CSMD1: variants seen among roughly 807,000 people sequenced by gnomAD.
CSMD1 encodes the protein CUB and sushi domain-containing protein 1.
Under a neutral mutation model 417.5 loss-of-function variants are expected in CSMD1, and 213 were observed. That is an observed-to-expected ratio of 0.51 (90% confidence interval 0.46 to 0.57). CSMD1 has a LOEUF of 0.57. Ranked by LOEUF, CSMD1 falls within the 20% of genes least tolerant of loss-of-function variation. The probability of loss-of-function intolerance (pLI) is 0.00; values close to 1 mark genes in which losing one functional copy is unlikely to be tolerated. For missense variants in CSMD1, 6,923 were observed against 4,529.7 expected (o/e 1.53, Z -15.17); for synonymous variants, 2,862 against 1,736.8 (o/e 1.65, Z -16.11).
intron 1 of CSMD1, among the ~76,000 whole-genome samples, chr8:4,655,102 A>G (rs962263884): frequency 7.3e-5 from 11 of 151,496 alleles, no homozygotes; most frequent in Admixed American, 6.6e-4. Context: ...TAATTTACCT[A>G]TATTACTAAT....
intron 1 of CSMD1, among the ~76,000 whole-genome samples, chr8:4,757,345 A>T (rs777897058): frequency 1.3e-5 from 2 of 152,218 alleles, no homozygotes. Flanking sequence ...CCTGTGTGCT[A>T]GCTAGGCCCC....
At chr8:3,114,689 G>A (rs1816747799) in intron 42 of CSMD1, among the ~76,000 whole-genome samples, 2 of 152,004 alleles carry the variant, frequency 1.3e-5, no homozygotes, top group Non-Finnish European at 2.9e-5. Context: ...AGAAAAATAA[G>A]GAGACAGAGT....
intron 12 of CSMD1, among the ~76,000 whole-genome samples, chr8:3,432,828 T>C (rs1303434238): frequency 6.6e-6 from 1 of 152,168 alleles, no homozygotes; most frequent in Non-Finnish European, 1.5e-5. Context: ...TGGGCTTATT[T>C]TTATTCTACA....
chr8:4,536,968 T>G (rs1234657592), intron 2 of CSMD1, among the ~76,000 whole-genome samples: 1 of 152,208 alleles, frequency 6.6e-6, no homozygotes, highest in Non-Finnish European at 1.5e-5. Flanking sequence ...TGGCATATCA[T>G]GATTATCATT....
chr8:4,933,116 T>C (rs1807355451), intron 1 of CSMD1, among the ~76,000 whole-genome samples: 1 of 152,244 alleles, frequency 6.6e-6, no homozygotes, highest in South Asian at 2.1e-4. Context: ...CATACTTGTA[T>C]GGATATGTTC....
chr8:3,255,621 T>A (rs186011270), intron 26 of CSMD1, among the ~76,000 whole-genome samples: 2 of 152,316 alleles, frequency 1.3e-5, no homozygotes, highest in East Asian at 3.9e-4. Flanking sequence ...CTCAGACTGC[T>A]GTTCTAGCAA....
chr8:4,750,837 T>C (rs1265798900), intron 1 of CSMD1, among the ~76,000 whole-genome samples: 2 of 152,236 alleles, frequency 1.3e-5, no homozygotes, highest in East Asian at 1.9e-4. Flanking sequence ...GGTCTACTGA[T>C]AGCTGATGAG....
chr8:3,778,173 G>A (rs182522199), intron 5 of CSMD1, among the ~76,000 whole-genome samples: 100 of 152,350 alleles, frequency 6.6e-4, no homozygotes, highest in Non-Finnish European at 1.3e-3. Flanking sequence ...GATTAGAGGC[G>A]TCAGCAGGGG....
In CSMD1 at chr8:4,760,695, A is replaced by G. The variant is rs530914259; in HGVS notation, c.86-123137T>C. ...TATTTCCTTTGTTCATATTCTTCAA[A>G]TTTACTCTAATAAAAGGTGTATTTT... On this transcript the variant is annotated intron_variant, in intron 1 of 69. Coordinates refer to ENST00000635120, the MANE Select transcript of CSMD1 (RefSeq NM_033225.6). 1.1e-4 allele frequency among the ~76,000 whole-genome samples: 17 copies of G among 152,240 alleles called. No individual in the cohort carries two copies. In the South Asian group the frequency reaches 3.5e-3, roughly 32 times the overall value.
Position 3,108,698 on chromosome 8 carries a change from G to A in CSMD1, c.6659C>T (p.Thr2220Ile). 1 of 1,613,628 alleles carries A rather than the reference G, an allele frequency of 6.2e-7. No homozygotes were observed. The highest frequency in any genetic ancestry group is 1.7e-5 in the Admixed American group (1 of 59,984). ...SPQLGVFSGNTALETAYSSTN... is the reference protein window; with the variant it reads ...SPQLGVFSGNIALETAYSSTN... ...GGAGCTATACGCCGTTTCGAGGGCT[G>A]TGTTGCCACTGAAAACTCCCAGCTG... is the stretch of plus-strand genomic sequence containing the variant. The change falls in exon 44 of 70, where the codon ACA (threonine) becomes ATA (isoleucine). Residue 2220 changes from threonine (T) to isoleucine (I), a missense_variant. By Grantham distance (89) the Thr-to-Ile change is moderately conservative. Coordinates refer to ENST00000635120, the MANE Select transcript of CSMD1 (RefSeq NM_033225.6).
In CSMD1 at chr8:4,615,661, G is replaced by C. The variant is rs185145741; in HGVS notation, c.302+21681C>G. ...AAATATATTTTTTTGTGAGTGTAAG[G>C]TGTTATTTCCTTATACCATCTTGTG... is the stretch of plus-strand genomic sequence containing the variant. On this transcript the variant is annotated intron_variant, in intron 2 of 69. Transcript: ENST00000635120. 1.8e-3 allele frequency among the ~76,000 whole-genome samples: 270 copies of C among 152,174 alleles called. 1 individual carries two copies. The highest frequency in any genetic ancestry group is 5.8e-3 in the African/African-American group (240 of 41,510).
intron 5 of CSMD1, among the ~76,000 whole-genome samples, chr8:3,897,812 C>T (rs1807465321): frequency 6.6e-6 from 1 of 152,158 alleles, no homozygotes; most frequent in African/African-American, 2.4e-5. Context: ...TTCGTAAGTT[C>T]ATCTCCATCT....
intron 5 of CSMD1, among the ~76,000 whole-genome samples, chr8:3,814,161 G>T (rs1801241680): frequency 1.3e-5 from 2 of 152,166 alleles, no homozygotes; most frequent in Admixed American, 1.3e-4. Flanking sequence ...GGTACCCCCA[G>T]CGTGGAAGTC....
intron 3 of CSMD1, among the ~76,000 whole-genome samples, chr8:4,266,099 G>C (rs1450650347): frequency 9.7e-6 from 1 of 103,156 alleles, no homozygotes; most frequent in Non-Finnish European, 2.6e-5. Context: ...AGGCATATTA[G>C]CTGATATTGA....
intron 1 of CSMD1, among the ~76,000 whole-genome samples, chr8:4,736,103 T>G (rs1044713650): frequency 1.3e-5 from 2 of 152,200 alleles, no homozygotes; most frequent in Non-Finnish European, 1.5e-5. Flanking sequence ...AAAGCTTTGT[T>G]TCTCACGAGC....
At chr8:3,817,591 T>C (rs568958471) in intron 5 of CSMD1, among the ~76,000 whole-genome samples, 5 of 152,066 alleles carry the variant, frequency 3.3e-5, no homozygotes, top group Non-Finnish European at 7.4e-5. Context: ...CTTCTTTATT[T>C]AGAGTCACAG....
chr8:4,128,132 C>G (rs1008742500), intron 3 of CSMD1, among the ~76,000 whole-genome samples: 56 of 152,130 alleles, frequency 3.7e-4, no homozygotes, highest in Middle Eastern at 3.4e-3. Context: ...GGCCAGCACT[C>G]CCACCCCCAC....
At chr8:4,317,930 T>G (rs1451203538) in intron 3 of CSMD1, among the ~76,000 whole-genome samples, 6 of 152,200 alleles carry the variant, frequency 3.9e-5, no homozygotes, top group Admixed American at 2.0e-4. Flanking sequence ...TCAAGAATGA[T>G]GTAATATGTT....
At chr8:3,772,242 T>G (rs1486775476) in intron 5 of CSMD1, among the ~76,000 whole-genome samples, 1 of 146,132 alleles carries the variant, frequency 6.8e-6, no homozygotes, top group African/African-American at 2.5e-5. Flanking sequence ...TATTTATATA[T>G]AGATATATAC....
Sources: allele counts gnomAD v4.1 joint callset (sites outside exome capture counted in the v4.1 genomes callset), GRCh38; gene constraint gnomAD v4.1.1; transcripts MANE v1.5; gene names NCBI Gene and HGNC (gene_info 2026-07-23, HGNC 2026-07-21).